MECOM: variants seen among roughly 807,000 people sequenced by gnomAD.
MECOM encodes the protein MDS1 and EVI1 complex locus.
A neutral mutation model predicts 116.3 loss-of-function variants in MECOM; 13 were observed. The observed-to-expected ratio is 0.11, with a 90% CI of 0.07 to 0.18. The LOEUF (loss-of-function observed/expected upper bound fraction) is 0.18, where lower values mean the gene tolerates loss of function less well. MECOM is among the 10% of genes least tolerant of loss of function. The probability of loss-of-function intolerance (pLI) is 1.00; values close to 1 mark genes in which losing one functional copy is unlikely to be tolerated. For missense variants in MECOM, 1,299 were observed against 1,509.0 expected (o/e 0.86, Z 2.31); for synonymous variants, 528 against 535.2 (o/e 0.99, Z 0.19).
At chr3:169,232,891 T>G (rs1445385922) in intron 2 of MECOM, among the ~76,000 whole-genome samples, 1 of 152,070 alleles carries the variant, frequency 6.6e-6, no homozygotes, top group East Asian at 1.9e-4. Context: ...AGCAGCCTTT[T>G]CATGTATATT....
intron 2 of MECOM, among the ~76,000 whole-genome samples, chr3:169,327,931 T>C (rs1722130677): frequency 2.0e-5 from 3 of 152,176 alleles, no homozygotes; most frequent in African/African-American, 7.2e-5. Context: ...CCTATTTTAA[T>C]TATATCATAC....
chr3:169,472,110 C>T (rs1191605074), intron 1 of MECOM, among the ~76,000 whole-genome samples: 1 of 151,876 alleles, frequency 6.6e-6, no homozygotes, highest in Non-Finnish European at 1.5e-5. Flanking sequence ...CCCATTTACC[C>T]TATAGTGCTT....
intron 2 of MECOM, among the ~76,000 whole-genome samples, chr3:169,315,361 G>A (rs1044984502): frequency 1.3e-5 from 2 of 152,104 alleles, no homozygotes; most frequent in South Asian, 2.1e-4. Flanking sequence ...CACTTCATTC[G>A]GATATATCTG....
At chr3:169,162,422 T>C (rs1742983533) in intron 2 of MECOM, among the ~76,000 whole-genome samples, 1 of 152,138 alleles carries the variant, frequency 6.6e-6, no homozygotes, top group South Asian at 2.1e-4. Flanking sequence ...TACTAAATTA[T>C]GTCATTCGAA....
intron 2 of MECOM, among the ~76,000 whole-genome samples, chr3:169,379,481 T>A (rs1031988560): frequency 6.6e-6 from 1 of 151,928 alleles, no homozygotes; most frequent in African/African-American, 2.4e-5. Flanking sequence ...AAAATCATTT[T>A]ACATTTCTCA....
At chr3:169,216,483 G>T (rs577207667) in intron 2 of MECOM, among the ~76,000 whole-genome samples, 45 of 151,830 alleles carry the variant, frequency 3.0e-4, no homozygotes, top group Admixed American at 8.5e-4. Context: ...AGGTTGCAAG[G>T]TCTTCTGGCT....
chr3:169,654,032 T>C (rs547485473), intron 1 of MECOM, among the ~76,000 whole-genome samples: 32 of 152,354 alleles, frequency 2.1e-4, no homozygotes, highest in African/African-American at 7.2e-4. Flanking sequence ...CTTATATGCA[T>C]GGTTCATCAC....
At chr3:169,114,226 C>T (rs182821933) in intron 8 of MECOM, among the ~76,000 whole-genome samples, 2 of 152,110 alleles carry the variant, frequency 1.3e-5, no homozygotes, top group African/African-American at 4.8e-5. Flanking sequence ...GGTAACAGGA[C>T]TGCCAAACTA....
At position 169,288,732 on chromosome 3, in the gene MECOM, A is replaced by C. The variant is rs150182378; in HGVS notation, c.375+92455T>G. Among the ~76,000 whole-genome samples the C allele has an allele frequency of 3.3e-3, 498 of 152,090 alleles. 2 individuals are homozygous for C. The highest frequency in any genetic ancestry group is 0.011 in the African/African-American group (471 of 41,486). ...AAGTGCCCTTCCAGTAGTCTCAATG[A>C]CCTCCAGTGATGCTAATAGATCTCA... is the stretch of plus-strand genomic sequence containing the variant. On this transcript the variant is annotated intron_variant, in intron 2 of 16. Transcript: ENST00000651503.
chr3:169,535,182 T>C lies in MECOM; in HGVS notation c.37+128154A>G, dbSNP rs917359649. On this transcript the variant is annotated intron_variant, in intron 1 of 16. Coordinates refer to ENST00000651503, the MANE Select transcript of MECOM (RefSeq NM_004991.4). Reference sequence around the variant, plus strand: ...GCATCCACATCCCCACCTCACCAAGTCCCACTTGATGCGAAAGCCTAGGCA... The same window carrying C: ...GCATCCACATCCCCACCTCACCAAGCCCCACTTGATGCGAAAGCCTAGGCA... Among the ~76,000 whole-genome samples, 6 of 152,038 alleles carry C rather than the reference T, an allele frequency of 3.9e-5. No individual in the cohort carries two copies. In the East Asian group the frequency reaches 1.2e-3, roughly 29 times the overall value.
At chr3:169,429,372 T>A (rs1403676450) in intron 1 of MECOM, among the ~76,000 whole-genome samples, 1 of 152,198 alleles carries the variant, frequency 6.6e-6, no homozygotes, top group Non-Finnish European at 1.5e-5. Flanking sequence ...GTATAAAGAA[T>A]AGATTACATT....
At chr3:169,248,967 T>C (rs748474324) in intron 2 of MECOM, among the ~76,000 whole-genome samples, 1 of 152,152 alleles carries the variant, frequency 6.6e-6, no homozygotes, top group South Asian at 2.1e-4. Context: ...CCTAGTAAAC[T>C]ATTACAAGTA....
intron 2 of MECOM, among the ~76,000 whole-genome samples, chr3:169,373,072 G>T (rs758778732): frequency 6.6e-6 from 1 of 151,962 alleles, no homozygotes; most frequent in Admixed American, 6.6e-5. Flanking sequence ...TAACTCTAAA[G>T]TTCATAACCT....
At chr3:169,089,456 A>C (rs922057338) in intron 15 of MECOM, among the ~76,000 whole-genome samples, 1 of 152,176 alleles carries the variant, frequency 6.6e-6, no homozygotes, top group African/African-American at 2.4e-5. Flanking sequence ...AGGCAGAGAC[A>C]GAATTCATAT....
chr3:169,394,098 G>A (rs1008027068), intron 1 of MECOM, among the ~76,000 whole-genome samples: 1 of 152,026 alleles, frequency 6.6e-6, no homozygotes, highest in African/African-American at 2.4e-5. Flanking sequence ...TTGTTGCTTT[G>A]TTGTTTTGTT....
At chr3:169,438,178 C>A (rs574757029) in intron 1 of MECOM, among the ~76,000 whole-genome samples, 11 of 152,340 alleles carry the variant, frequency 7.2e-5, no homozygotes, top group Admixed American at 6.5e-4. Context: ...TATCCCTAAA[C>A]TATACACCTT....
rs368054265 is a variant in MECOM at position 169,433,738 on chromosome 3, G to T, written c.38-52214C>A. On this transcript the variant is annotated intron_variant, in intron 1 of 16. Coordinates refer to ENST00000651503, the MANE Select transcript of MECOM (RefSeq NM_004991.4). ...AAAATTTCTTTCAATAACATTGAGAGCAGTAGTTTTTAACCTTTGTGAAAA... is the reference window on the plus strand; with the variant it reads ...AAAATTTCTTTCAATAACATTGAGATCAGTAGTTTTTAACCTTTGTGAAAA... Among the ~76,000 whole-genome samples, 114 of 152,262 alleles carry T rather than the reference G, an allele frequency of 7.5e-4. 1 individual carries two copies. Among genetic ancestry groups the T allele is most frequent in the African/African-American group, 2.6e-3 (110 of 41,564 alleles).
chr3:169,090,533 T>A (rs540359507), intron 14 of MECOM, among the ~76,000 whole-genome samples: 1 of 152,222 alleles, frequency 6.6e-6, no homozygotes, highest in African/African-American at 2.4e-5. Flanking sequence ...TTGATATTGC[T>A]ATATATATCA....
At chr3:169,605,087 A>G (rs1768350335) in intron 1 of MECOM, among the ~76,000 whole-genome samples, 1 of 152,174 alleles carries the variant, frequency 6.6e-6, no homozygotes, top group African/African-American at 2.4e-5. Context: ...AAGGTCAGAA[A>G]ACTCTGAGTG....
Sources: allele counts gnomAD v4.1 joint callset (sites outside exome capture counted in the v4.1 genomes callset), GRCh38; gene constraint gnomAD v4.1.1; transcripts MANE v1.5; gene names NCBI Gene and HGNC (gene_info 2026-07-23, HGNC 2026-07-21).